The following LAMP3 variants were observed in gnomAD, a reference collection of about 807,000 sequenced individuals.
The protein encoded by LAMP3 is lysosome-associated membrane glycoprotein 3.
Under a neutral mutation model 34.8 loss-of-function variants are expected in LAMP3, and 26 were observed. That is an observed-to-expected ratio of 0.75 (90% CI 0.55 to 1.04). The LOEUF is 1.04. Among genes scored for constraint, LAMP3 ranks in the 50% least tolerant of loss-of-function variants. The pLI, the probability that LAMP3 is intolerant of heterozygous loss-of-function variation, is 0.00. For synonymous variants in LAMP3, 180 were observed against 201.9 expected, an observed-to-expected ratio of 0.89 and a Z score of 0.92; for missense variants, 495 against 524.0, an observed-to-expected ratio of 0.94 and a Z score of 0.54.
At chr3:183,144,820 C>T (rs1391964304) in intron 3 of LAMP3, among the ~76,000 whole-genome samples, 3 of 152,184 alleles carry the variant, frequency 2.0e-5, no homozygotes, top group Admixed American at 1.3e-4. Flanking sequence ...GGTGGAGGAT[C>T]ACTTGAGTCC....
At position 183,135,834 on chromosome 3, in the gene LAMP3, C is replaced by T. The variant is rs150432783; in HGVS notation, c.1000G>A (p.Gly334Arg). 4.9e-5 allele frequency: 79 copies of T among 1,613,734 alleles called. No individual in the cohort carries two copies. The highest frequency in any genetic ancestry group is 1.6e-4 in the Middle Eastern group (1 of 6,084). The part of the protein sequence containing the change: ...HAVVMFQTAV[G>R]HSFKCVSEQS... ...TCACTCACGCACTTGAAGGAATGCC[C>T]GACTGCTGTCTGGAACATCACCACC... The change falls in exon 5 of 6, where the codon GGG becomes AGG. Residue 334 changes from glycine to arginine, a missense_variant. By Grantham distance (125) the Gly-to-Arg change is moderately radical. Coordinates refer to ENST00000265598, the MANE Select transcript of LAMP3 (RefSeq NM_014398.4).
At position 183,141,081 on chromosome 3, in the gene LAMP3, G is replaced by A. The variant is rs576348595; in HGVS notation, c.889-486C>T. Among the ~76,000 whole-genome samples the A allele has an allele frequency of 2.5e-4, 38 of 152,282 alleles. No homozygotes were observed. In the Middle Eastern group the frequency reaches 0.01, roughly 41 times the overall value. ...TAAGGATACCATGGGAGGACCTCCCGGGGTCCATAAACCCTCTGGGAAAAA... is the reference window on the plus strand; with the variant it reads ...TAAGGATACCATGGGAGGACCTCCCAGGGTCCATAAACCCTCTGGGAAAAA... On this transcript the variant is annotated intron_variant, in intron 3 of 5. Coordinates refer to ENST00000265598, the MANE Select transcript of LAMP3 (RefSeq NM_014398.4).
At chr3:183,137,182 G>C (rs1720123794) in intron 4 of LAMP3, among the ~76,000 whole-genome samples, 1 of 151,988 alleles carries the variant, frequency 6.6e-6, no homozygotes, top group Admixed American at 6.6e-5. Flanking sequence ...GCCAGGCATG[G>C]AGGTGGGCAC....
At chr3:183,140,649 ATCTTG>A in intron 3 of LAMP3, 54 bp from the exon 4 acceptor site, 2 of 1,159,066 alleles carry the variant, frequency 1.7e-6, no homozygotes, top group Non-Finnish European at 2.6e-6. Flanking sequence ...TATGTTTACA[ATCTTG>A]GTTTATAAAC....
At chr3:183,144,032 T>C (rs1353048165) in intron 3 of LAMP3, among the ~76,000 whole-genome samples, 1 of 152,170 alleles carries the variant, frequency 6.6e-6, no homozygotes, top group African/African-American at 2.4e-5. Flanking sequence ...AAGGTCCCCC[T>C]GTCCACTTCT....
At chr3:183,146,071 A>G (rs764430820) in intron 3 of LAMP3, among the ~76,000 whole-genome samples, 2 of 152,234 alleles carry the variant, frequency 1.3e-5, no homozygotes, top group Non-Finnish European at 2.9e-5. Context: ...ATTATAATGA[A>G]TAAACTCACA....
intron 1 of LAMP3, among the ~76,000 whole-genome samples, chr3:183,161,500 C>T (rs1468628953): frequency 6.6e-6 from 1 of 152,060 alleles, no homozygotes; most frequent in East Asian, 1.9e-4. Context: ...AAGTGATTCT[C>T]CTGCCTCAGT....
chr3:183,124,182 G>A lies in LAMP3; in HGVS notation c.1150C>T (p.Leu384Phe), dbSNP rs766454528. 5 of 1,606,614 alleles carry A rather than the reference G, an allele frequency of 3.1e-6. No homozygotes were observed. The highest frequency in any genetic ancestry group is 4.2e-6 in the Non-Finnish European group (5 of 1,177,590). The part of the protein sequence containing the change: ...DECSSDYTIV[L>F]PVIGAIVVGL... ...ACCACGATGGCCCCAATCACAGGAA[G>A]CACAATTGTGTAGTCAGACGAGCAC... The change falls in exon 6 of 6, where the codon CTT (leucine) becomes TTT (phenylalanine). Residue 384 changes from leucine (L) to phenylalanine (F), a missense_variant. Transcript: ENST00000265598.
chr3:183,163,360 T>C (rs1467764501), upstream of LAMP3, among the ~76,000 whole-genome samples: 1 of 151,170 alleles, frequency 6.6e-6, no homozygotes, highest in Non-Finnish European at 1.5e-5. Context: ...TGGAGTGCAG[T>C]GGCGGGATCT....
intron 3 of LAMP3, among the ~76,000 whole-genome samples, chr3:183,149,018 A>G (rs1253449384): frequency 6.6e-6 from 1 of 152,198 alleles, no homozygotes; most frequent in Admixed American, 6.5e-5. Flanking sequence ...TGTAAAAAAG[A>G]ATGAGATCCA....
chr3:183,124,570 C>T (rs929269480), intron 5 of LAMP3, among the ~76,000 whole-genome samples: 4 of 151,824 alleles, frequency 2.6e-5, no homozygotes, highest in African/African-American at 4.8e-5. Flanking sequence ...CAGTGGCTCA[C>T]GCCTGTAATC....
chr3:183,160,232 T>A (rs1436146367), intron 1 of LAMP3, among the ~76,000 whole-genome samples: 1 of 152,224 alleles, frequency 6.6e-6, no homozygotes, highest in Admixed American at 6.5e-5. Context: ...GCAAGTTGAC[T>A]GGGTAAAGAT....
At chr3:183,148,402 C>T (rs1413452261) in intron 3 of LAMP3, among the ~76,000 whole-genome samples, 1 of 152,122 alleles carries the variant, frequency 6.6e-6, no homozygotes, top group African/African-American at 2.4e-5. Flanking sequence ...TGAGAGAAAA[C>T]GTTTGCAAAC....
At chr3:183,161,608 C>T (rs13077633) in intron 1 of LAMP3, among the ~76,000 whole-genome samples, 12,060 of 151,904 alleles carry the variant, frequency 0.079, 513 homozygotes, top group Middle Eastern at 0.13. Context: ...AGGCTAGTCT[C>T]GAACTCCTGA....
intron 1 of LAMP3, among the ~76,000 whole-genome samples, chr3:183,157,778 A>G (rs1287408265): frequency 6.6e-6 from 1 of 152,204 alleles, no homozygotes; most frequent in African/African-American, 2.4e-5. Flanking sequence ...TCAAGATGCA[A>G]CTAGAACTCT....
At chr3:183,137,756 C>T (rs1426267685) in intron 4 of LAMP3, among the ~76,000 whole-genome samples, 2 of 151,984 alleles carry the variant, frequency 1.3e-5, no homozygotes, top group African/African-American at 4.8e-5. Context: ...GGATCAAGAC[C>T]TAGAATTGAT....
In LAMP3 at chr3:183,125,004, G is replaced by C. The variant is rs556191136; in HGVS notation, c.1118-790C>G. Among the ~76,000 whole-genome samples the C allele has an allele frequency of 1.9e-4, 29 of 152,264 alleles. No individual in the cohort carries two copies. In the South Asian group the frequency reaches 5.4e-3, roughly 28 times the overall value. On this transcript the variant is annotated intron_variant, in intron 5 of 5. Transcript: ENST00000265598. The stretch of plus-strand genomic sequence containing the variant: ...AGAAAACAGACCAAATTATTTATGA[G>C]AGCTTAAAAGTGAGAGTTTACAAAC...
intron 3 of LAMP3, among the ~76,000 whole-genome samples, chr3:183,150,520 G>A (rs921151166): frequency 1.3e-5 from 2 of 149,626 alleles, no homozygotes; most frequent in African/African-American, 4.9e-5. Flanking sequence ...CTGAACCAAA[G>A]CATAAATGTT....
intron 5 of LAMP3, chr3:183,132,470 C>G (rs633725): frequency 2.0e-6 from 2 of 983,642 alleles, no homozygotes; most frequent in Non-Finnish European, 2.4e-6. Flanking sequence ...AATTTGTAAA[C>G]GTCTTCCCCA....
Sources: gnomAD v4.1 joint callset for allele counts (sites outside exome capture counted in the v4.1 genomes callset) on GRCh38, gnomAD v4.1.1 for gene constraint, MANE v1.5 for transcripts, NCBI Gene and HGNC (gene_info 2026-07-23, HGNC 2026-07-21) for gene names.